The following TXNDC11 variants were observed in gnomAD, a reference collection of about 807,000 sequenced individuals.
The protein encoded by TXNDC11 is thioredoxin domain containing 11.
In TXNDC11, 68 loss-of-function variants were observed where a neutral mutation model predicts 78.0. That is an observed-to-expected ratio of 0.87 (90% CI 0.72 to 1.07). The LOEUF (loss-of-function observed/expected upper bound fraction) is 1.07. TXNDC11 is among the 50% of genes least tolerant of loss of function. TXNDC11 has a pLI of 0.00. For missense variants in TXNDC11, 1,389 were observed against 1,221.8 expected, an observed-to-expected ratio of 1.14 and a Z score of -2.04; for synonymous variants, 571 against 495.2, an observed-to-expected ratio of 1.15 and a Z score of -2.03.
rs775761081 is a variant in TXNDC11 at position 11,684,238 on chromosome 16, C to T, written c.2161G>A (p.Val721Met). The T allele has an allele frequency of 4.3e-6, 7 of 1,612,458 alleles. No homozygotes were observed. The highest frequency in any genetic ancestry group is 2.2e-5 in the East Asian group (1 of 44,860). Reference sequence around the variant, plus strand: ...TCCCAAGGAAGGTCATTCTGAGACACGTCAATCCTGGTAAAGGGAAAGAAC... The same window carrying T: ...TCCCAAGGAAGGTCATTCTGAGACATGTCAATCCTGGTAAAGGGAAAGAAC... The part of the protein sequence containing the change: ...MDTFTVARID[V>M]SQNDLPWEFM... The change falls in exon 11 of 12, where the codon GTG becomes ATG. Residue 721 changes from valine to methionine, a missense_variant. Physicochemically the swap from Val to Met is conservative, Grantham distance 21 (BLOSUM62 1). Transcript: ENST00000283033.
In TXNDC11 at chr16:11,679,902, C is replaced by T; in HGVS notation, c.2235-65G>A. ...CCAACACAATGAGTCCAAAAGCAGG[C>T]TGTACCTGAGGCCAGGCCATCTACT... On this transcript the variant is annotated intron_variant, in intron 11 of 11. Transcript: ENST00000283033. The surrounding 1 kb of genome is among the most constrained non-coding windows in gnomAD (Gnocchi z 4.6). The T allele has an allele frequency of 7.0e-7, 1 of 1,428,896 alleles. No homozygotes were observed. The highest frequency in any genetic ancestry group is 1.4e-5 in the African/African-American group (1 of 70,924). 88.5% of individuals were successfully genotyped at this position (1,428,896 alleles called of 1,614,324 possible).
rs8191352 is a variant in TXNDC11 at position 11,679,877 on chromosome 16, C to T, written c.2235-40G>A. ...AAAGGAAGCAAAGACAGGAGTCACA[C>T]CAACACAATGAGTCCAAAAGCAGGC... On this transcript the variant is annotated intron_variant, in intron 11 of 11. Coordinates refer to ENST00000283033, the MANE Select transcript of TXNDC11 (RefSeq NM_015914.7). The surrounding 1 kb of genome is among the most constrained non-coding windows in gnomAD (Gnocchi z 4.6). 6.4e-7 allele frequency: 1 copy of T among 1,565,178 alleles called. No individual in the cohort carries two copies. The highest frequency in any genetic ancestry group is 2.1e-4 in the Middle Eastern group (1 of 4,812).
chr16:11,739,789 T>A (rs1369201421), intron 1 of TXNDC11, among the ~76,000 whole-genome samples: 2 of 151,914 alleles, frequency 1.3e-5, no homozygotes, highest in African/African-American at 4.8e-5. Flanking sequence ...TGGCTCAACC[T>A]CAAATCAACC....
At chr16:11,723,185 G>T (rs905461952) in intron 4 of TXNDC11, among the ~76,000 whole-genome samples, 1 of 152,048 alleles carries the variant, frequency 6.6e-6, no homozygotes, top group Non-Finnish European at 1.5e-5. Flanking sequence ...TTGAACCCAG[G>T]GGGTGGAGGC....
At chr16:11,696,507 A>G (rs1433738293) in intron 7 of TXNDC11, among the ~76,000 whole-genome samples, 1 of 152,214 alleles carries the variant, frequency 6.6e-6, no homozygotes, top group Non-Finnish European at 1.5e-5. Context: ...GGAGCTTCCC[A>G]GCACAGTGCT....
chr16:11,694,940 A>T (rs981503763), intron 7 of TXNDC11, among the ~76,000 whole-genome samples: 1 of 152,362 alleles, frequency 6.6e-6, no homozygotes, highest in Admixed American at 6.5e-5. Flanking sequence ...CGCACAGTAG[A>T]TGTTTCCTTC....
intron 5 of TXNDC11, among the ~76,000 whole-genome samples, chr16:11,721,046 G>A (rs944446038): frequency 2.6e-5 from 4 of 151,730 alleles, no homozygotes; most frequent in African/African-American, 9.7e-5. Flanking sequence ...CCAGCCTCAA[G>A]CTATATTTTT....
At chr16:11,698,090 T>A in intron 7 of TXNDC11, 35 bp downstream of exon 7, 2 of 1,596,562 alleles carry the variant, frequency 1.3e-6, no homozygotes, top group Non-Finnish European at 8.6e-7. Context: ...GCTTTCCTAC[T>A]CCTCATGAGG....
Position 11,694,226 on chromosome 16 carries a change from T to G in TXNDC11, c.1108-2144A>C, listed in dbSNP as rs1235696330. 2.0e-5 allele frequency among the ~76,000 whole-genome samples: 3 copies of G among 149,824 alleles called. No homozygotes were observed. In the East Asian group the frequency reaches 6.0e-4, roughly 30 times the overall value. On this transcript the variant is annotated intron_variant, in intron 7 of 11. Coordinates refer to ENST00000283033, the MANE Select transcript of TXNDC11 (RefSeq NM_015914.7). ...CCAGGTTCAAGCAATTCTCCTGCCT[T>G]AGCCTCCCAGGTAGCTGGGATTACA...
At chr16:11,707,452 C>CG (rs1363619183) in intron 5 of TXNDC11, among the ~76,000 whole-genome samples, 2 of 119,276 alleles carry the variant, frequency 1.7e-5, no homozygotes, top group African/African-American at 6.3e-5. Context: ...TTATTTTTCC[C>CG]AATTTTTTTT....
chr16:11,700,705 C>G, intron 5 of TXNDC11, 141 bp from the exon 6 acceptor site: 2 of 574,434 alleles, frequency 3.5e-6, no homozygotes, highest in Non-Finnish European at 6.2e-6. Flanking sequence ...AAGGAAGAGG[C>G]GCTGAGGAAC....
Position 11,698,230 on chromosome 16 carries a change from G to C in TXNDC11, c.1002C>G (p.His334Gln). ...QETLFRWLRP[H>Q]GGKSLLLNNE... ...TATTCAGCAGGAGACTCTTGCCTCCGTGTGGCCGCAGCCACCGAAAGAGCG... is the reference window on the plus strand; with the variant it reads ...TATTCAGCAGGAGACTCTTGCCTCCCTGTGGCCGCAGCCACCGAAAGAGCG... The change falls in exon 7 of 12, where the codon CAC becomes CAG. Residue 334 changes from histidine to glutamine, a missense_variant. By Grantham distance (24) the His-to-Gln change is conservative. Transcript: ENST00000283033. 1 of 1,614,200 alleles carries C rather than the reference G, an allele frequency of 6.2e-7. No homozygotes were observed. The highest frequency in any genetic ancestry group is 1.1e-5 in the South Asian group (1 of 91,092).
chr16:11,712,090 G>A (rs1351733154), intron 5 of TXNDC11, among the ~76,000 whole-genome samples: 1 of 151,874 alleles, frequency 6.6e-6, no homozygotes, highest in African/African-American at 2.4e-5. Flanking sequence ...TTCCAAACAT[G>A]AAAAAAACAA....
In TXNDC11 at chr16:11,679,856, G is replaced by T. The variant is rs749556398; in HGVS notation, c.2235-19C>A. On this transcript the variant is annotated intron_variant, in intron 11 of 11. Transcript: ENST00000283033. The surrounding 1 kb of genome is among the most constrained non-coding windows in gnomAD (Gnocchi z 4.6). ...GTCCTTTCTGGAGAGAGAGGGAAAGGAAGCAAAGACAGGAGTCACACCAAC... is the reference window on the plus strand; with the variant it reads ...GTCCTTTCTGGAGAGAGAGGGAAAGTAAGCAAAGACAGGAGTCACACCAAC... 8.8e-6 allele frequency: 14 copies of T among 1,594,628 alleles called. No individual in the cohort carries two copies.
intron 10 of TXNDC11, among the ~76,000 whole-genome samples, chr16:11,687,166 T>C (rs1255288683): frequency 6.6e-6 from 1 of 152,214 alleles, no homozygotes; most frequent in East Asian, 1.9e-4. Context: ...TCTCTTTATT[T>C]TTCCAACTGC....
chr16:11,721,600 GA>G lies in TXNDC11; in HGVS notation c.769del (p.Ser257GlnfsTer6). The part of the protein sequence containing the change: ...QPPGYLTFFT[S>X]ALHSLKKDYL... ...ACCTTTCTTTAATGAATGTAATGCTGAGGTGAAGAAGGTCAAATAACCAGGA... is the reference window on the plus strand; with the variant it reads ...ACCTTTCTTTAATGAATGTAATGCTGGGTGAAGAAGGTCAAATAACCAGGA... On this transcript the variant is annotated frameshift_variant, in exon 5 of 12. Transcript: ENST00000283033. LOFTEE classifies it high-confidence loss of function. 1 of 1,609,394 alleles carries G rather than the reference GA, an allele frequency of 6.2e-7. No individual in the cohort carries two copies. The highest frequency in any genetic ancestry group is 8.5e-7 in the Non-Finnish European group (1 of 1,176,272).
chr16:11,732,761 A>C (rs2052092849), intron 3 of TXNDC11, among the ~76,000 whole-genome samples: 1 of 152,236 alleles, frequency 6.6e-6, no homozygotes, highest in Admixed American at 6.5e-5. Flanking sequence ...ACAACAGTTT[A>C]TGTTACAGAC....
At chr16:11,685,047 G>C (rs1001063545) in intron 10 of TXNDC11, among the ~76,000 whole-genome samples, 4 of 152,232 alleles carry the variant, frequency 2.6e-5, no homozygotes, top group African/African-American at 9.6e-5. Context: ...GTGTCCAAAA[G>C]GATGAAATTT....
At chr16:11,681,125 T>C (rs773669074) in intron 11 of TXNDC11, among the ~76,000 whole-genome samples, 4 of 152,300 alleles carry the variant, frequency 2.6e-5, no homozygotes, top group Non-Finnish European at 5.9e-5. Context: ...TGAGCCGTAA[T>C]TGCACCACTG....
Sources: gnomAD v4.1 joint callset for allele counts (sites outside exome capture counted in the v4.1 genomes callset) on GRCh38, gnomAD v4.1.1 for gene constraint, Gnocchi (gnomAD v3.1) non-coding constraint, MANE v1.5 for transcripts, NCBI Gene and HGNC (gene_info 2026-07-23, HGNC 2026-07-21) for gene names.